The following JOSD1 variants were observed in gnomAD, a reference collection of about 807,000 sequenced individuals.
JOSD1 encodes Josephin domain containing 1, also known as josephin-1.
Under a neutral mutation model 24.3 loss-of-function variants are expected in JOSD1, and 11 were observed. That is an observed-to-expected ratio of 0.45 (90% CI 0.29 to 0.75). The LOEUF is 0.75. JOSD1 is among the 30% of genes least tolerant of loss of function. The pLI is 0.11. For synonymous variants in JOSD1, 106 were observed against 93.8 expected, an observed-to-expected ratio of 1.13 and a Z score of -0.75; for missense variants, 184 against 253.5, an observed-to-expected ratio of 0.73 and a Z score of 1.86.
chr22:38,688,651 C>T (rs1465745511), intron 4 of JOSD1, among the ~76,000 whole-genome samples: 3 of 152,200 alleles, frequency 2.0e-5, no homozygotes, highest in Non-Finnish European at 4.4e-5. Flanking sequence ...GGCAACTACA[C>T]TGTCTCAGTT....
intron 4 of JOSD1, 150 bp downstream of exon 4, chr22:38,688,785 A>G: frequency 1.4e-6 from 1 of 737,706 alleles, no homozygotes; most frequent in Non-Finnish European, 2.2e-6. Flanking sequence ...GATTAAGGTC[A>G]GGTCCGAGAC....
intron 2 of JOSD1, among the ~76,000 whole-genome samples, chr22:38,694,912 C>T (rs1485324453): frequency 1.3e-5 from 2 of 151,032 alleles, no homozygotes; most frequent in African/African-American, 2.4e-5. Context: ...TAGTCCAGGT[C>T]TCCCCACTGT....
intron 2 of JOSD1, 147 bp from the exon 3 acceptor site, chr22:38,689,571 A>G: frequency 9.3e-7 from 1 of 1,072,178 alleles, no homozygotes; most frequent in South Asian, 1.6e-5. Flanking sequence ...GCTTCTACCT[A>G]AGTATTTTGT....
chr22:38,697,085 T>G (rs1437770652), intron 2 of JOSD1, among the ~76,000 whole-genome samples: 1 of 152,248 alleles, frequency 6.6e-6, no homozygotes, highest in Non-Finnish European at 1.5e-5. Context: ...AAAGCATAGC[T>G]GAGATGTGCT....
At position 38,700,531 on chromosome 22, in the gene JOSD1, G is replaced by A; in HGVS notation, c.-544C>T. ...ACCGCGAGCCGCGCGGGGGCCTCGG[G>A]GGCAGCCCTCCATCCCCTCGGGTAC... On this transcript the variant is annotated 5_prime_UTR_variant, in exon 2 of 5. Transcript: ENST00000683374. The A allele has an allele frequency of 1.0e-6, 1 of 986,078 alleles. No individual in the cohort carries two copies. Among genetic ancestry groups the A allele is most frequent in the Non-Finnish European group, 1.2e-6 (1 of 830,390 alleles). The allele number at this position is 986,078 out of a possible 1,614,324, so 61.1% of individuals were successfully genotyped here.
At chr22:38,689,543 T>C in intron 2 of JOSD1, 119 bp from the exon 3 acceptor site, 1 of 1,299,884 alleles carries the variant, frequency 7.7e-7, no homozygotes, top group Non-Finnish European at 1.1e-6. Flanking sequence ...TTCCCCACAT[T>C]CAAGTGCAAT....
In JOSD1 at chr22:38,700,557, G is replaced by A. The variant is rs986751047; in HGVS notation, c.-570C>T. ...GGCAGCCCTCCATCCCCTCGGGTAC[G>A]GTGGGGCCCGCAGGGCGCGGCTCCC... On this transcript the variant is annotated 5_prime_UTR_variant, in exon 2 of 5. Transcript: ENST00000683374. The A allele has an allele frequency of 2.0e-6, 2 of 985,534 alleles. No homozygotes were observed. The highest frequency in any genetic ancestry group is 3.5e-5 in the African/African-American group (2 of 57,238). The allele number at this position is 985,534 out of a possible 1,614,324, so 61.0% of individuals were successfully genotyped here.
At chr22:38,694,056 A>G (rs1258880516) in intron 2 of JOSD1, among the ~76,000 whole-genome samples, 1 of 152,256 alleles carries the variant, frequency 6.6e-6, no homozygotes. Context: ...TGGCAACTCA[A>G]TAAACACGTT....
chr22:38,693,014 G>A (rs1888115523), intron 2 of JOSD1, among the ~76,000 whole-genome samples: 1 of 152,088 alleles, frequency 6.6e-6, no homozygotes. Context: ...TCCCAAGGGT[G>A]CTCCTGGAGA....
In JOSD1 at chr22:38,687,630, C is replaced by G; in HGVS notation, c.*272G>C. ...GGGAAAATAAGCTAGGATTCCCTCC[C>G]CGCTCCACTTTCTCCTCTGTCTCTT... is the stretch of plus-strand genomic sequence containing the variant. On this transcript the variant is annotated 3_prime_UTR_variant, in exon 5 of 5. Transcript: ENST00000683374. 2.4e-6 allele frequency: 1 copy of G among 416,424 alleles called. No individual in the cohort carries two copies. Among genetic ancestry groups the G allele is most frequent in the Non-Finnish European group, 4.3e-6 (1 of 235,054 alleles). The allele number at this position is 416,424 out of a possible 1,614,324, so 25.8% of individuals were successfully genotyped here.
Position 38,700,293 on chromosome 22 carries a change from T to TTG in JOSD1, c.-307_-306insCA. 3.5e-6 allele frequency: 1 copy of TTG among 282,436 alleles called. No homozygotes were observed. Among genetic ancestry groups the TTG allele is most frequent in the Non-Finnish European group, 4.8e-6 (1 of 209,524 alleles). The allele number at this position is 282,436 out of a possible 1,614,324, so 17.5% of individuals were successfully genotyped here. On this transcript the variant is annotated 5_prime_UTR_variant, in exon 2 of 5. Transcript: ENST00000683374. The stretch of plus-strand genomic sequence containing the variant: ...TTGTTTCCGTTTCCCCACCCTTCCC[T>TTG]CCCACCCCCCTCCAAAATCCCCACG...
At position 38,700,528 on chromosome 22, in the gene JOSD1, C is replaced by CG; in HGVS notation, c.-542dup. ...GGGACCGCGAGCCGCGCGGGGGCCTCGGGGGCAGCCCTCCATCCCCTCGGG... is the reference window on the plus strand; with the variant it reads ...GGGACCGCGAGCCGCGCGGGGGCCTCGGGGGGCAGCCCTCCATCCCCTCGGG... On this transcript the variant is annotated 5_prime_UTR_variant, in exon 2 of 5. The change abolishes the stop of an existing upstream ORF in the 5' untranslated region. Coordinates refer to ENST00000683374, the MANE Select transcript of JOSD1 (RefSeq NM_001360236.2). The CG allele has an allele frequency of 3.0e-6, 3 of 986,006 alleles. No individual in the cohort carries two copies. The highest frequency in any genetic ancestry group is 3.6e-6 in the Non-Finnish European group (3 of 830,376). 61.1% of individuals were successfully genotyped at this position (986,006 alleles called of 1,614,324 possible).
intron 2 of JOSD1, among the ~76,000 whole-genome samples, chr22:38,698,217 G>A (rs903894121): frequency 6.6e-6 from 1 of 152,144 alleles, no homozygotes; most frequent in Admixed American, 6.5e-5. Flanking sequence ...GATCTGAGAC[G>A]AATTATTTTA....
At chr22:38,701,278 T>G, upstream of JOSD1, 1 of 152,284 alleles carries the variant, frequency 6.6e-6, no homozygotes, top group Non-Finnish European at 1.5e-5. Context: ...CCTGCCCTTC[T>G]CCCGGGCGTG....
chr22:38,694,581 G>A (rs2092536689), intron 2 of JOSD1, among the ~76,000 whole-genome samples: 1 of 152,126 alleles, frequency 6.6e-6, no homozygotes, highest in African/African-American at 2.4e-5. Context: ...TGAAAAGACG[G>A]GCCAGGCGCA....
At chr22:38,694,980 G>A (rs1462763232) in intron 2 of JOSD1, among the ~76,000 whole-genome samples, 6 of 152,008 alleles carry the variant, frequency 3.9e-5, no homozygotes, top group Admixed American at 3.9e-4. Context: ...GTCTGACTAT[G>A]GTGATGATTT....
In JOSD1 at chr22:38,687,632, G is replaced by A. The variant is rs565119655; in HGVS notation, c.*270C>T. The A allele has an allele frequency of 7.2e-5, 30 of 416,048 alleles. No homozygotes were observed. The highest frequency in any genetic ancestry group is 6.2e-4 in the Middle Eastern group (1 of 1,624). 25.8% of individuals were successfully genotyped at this position (416,048 alleles called of 1,614,324 possible). A position where few individuals can be genotyped will look rare whatever the true frequency, so the allele number is the denominator to read the frequency against. ...GAAAATAAGCTAGGATTCCCTCCCC[G>A]CTCCACTTTCTCCTCTGTCTCTTAA... is the stretch of plus-strand genomic sequence containing the variant. On this transcript the variant is annotated 3_prime_UTR_variant, in exon 5 of 5. Transcript: ENST00000683374.
Position 38,700,576 on chromosome 22 carries a change from G to T in JOSD1, c.-589C>A. ...GGGTACGGTGGGGCCCGCAGGGCGC[G>T]GCTCCCTCGGAAGGCGCGGATTCTA... On this transcript the variant is annotated 5_prime_UTR_variant, in exon 2 of 5. Coordinates refer to ENST00000683374, the MANE Select transcript of JOSD1 (RefSeq NM_001360236.2). The T allele has an allele frequency of 6.1e-6, 6 of 985,316 alleles. No individual in the cohort carries two copies. The highest frequency in any genetic ancestry group is 7.2e-6 in the Non-Finnish European group (6 of 829,818). The allele number at this position is 985,316 out of a possible 1,614,324, so 61.0% of individuals were successfully genotyped here.
chr22:38,701,025 G>C (rs1436016270), upstream of JOSD1: 6 of 961,754 alleles, frequency 6.2e-6, no homozygotes, highest in Non-Finnish European at 7.4e-6. Flanking sequence ...CTCCCGCGCC[G>C]TCCTCACTCC....
Sources: allele counts gnomAD v4.1 joint callset (sites outside exome capture counted in the v4.1 genomes callset), GRCh38; gene constraint gnomAD v4.1.1; transcripts MANE v1.5; gene names NCBI Gene and HGNC (gene_info 2026-07-23, HGNC 2026-07-21).